The following SGCD variants were observed in gnomAD, a reference collection of about 807,000 sequenced individuals.
SGCD encodes delta-sarcoglycan.
In SGCD, 18 loss-of-function variants were observed where a neutral mutation model predicts 36.6. That is an observed-to-expected ratio of 0.49 (90% CI 0.34 to 0.73). The LOEUF (loss-of-function observed/expected upper bound fraction) is 0.73. Ranked by LOEUF, SGCD falls within the 30% of genes least tolerant of loss-of-function variation. The pLI is 0.01. For missense variants in SGCD, 387 were observed against 346.7 expected (o/e 1.12, Z -0.92); for synonymous variants, 133 against 130.6 (o/e 1.02, Z -0.12).
chr5:155,881,939 G>A (rs1051433692), intron 1 of SGCD, among the ~76,000 whole-genome samples: 1 of 152,060 alleles, frequency 6.6e-6, no homozygotes, highest in Non-Finnish European at 1.5e-5. Flanking sequence ...CACATCTTGA[G>A]GCTCCACTTA....
At chr5:156,464,408 G>A (rs1194150927) in intron 3 of SGCD, among the ~76,000 whole-genome samples, 1 of 151,868 alleles carries the variant, frequency 6.6e-6, no homozygotes, top group Non-Finnish European at 1.5e-5. Flanking sequence ...ATTTAATAGA[G>A]ACAGGGTTTC....
At chr5:155,758,580 C>T in the SGCD span, among the ~76,000 whole-genome samples, 2 of 152,220 alleles carry the variant, frequency 1.3e-5, no homozygotes, top group African/African-American at 4.8e-5. Context: ...ACATTACCAC[C>T]TGAGCTCCAG....
intron 3 of SGCD, among the ~76,000 whole-genome samples, chr5:156,229,277 C>CACATATATATATAT (rs1554085595): frequency 0.017 from 976 of 56,474 alleles, 62 homozygotes; most frequent in Non-Finnish European, 0.026. Flanking sequence ...TATATACATA[C>CACATATATATATAT]ATATATATAT....
chr5:155,788,662 T>A, the SGCD span, among the ~76,000 whole-genome samples: 15 of 152,198 alleles, frequency 9.9e-5, no homozygotes, highest in African/African-American at 3.6e-4. Context: ...AAATGTGCAA[T>A]TAAAGTATTG....
chr5:156,720,833 AGGAGAAATGACTGTGGGGGCAG>A (rs745876866), intron 7 of SGCD, among the ~76,000 whole-genome samples: 20 of 152,202 alleles, frequency 1.3e-4, no homozygotes, highest in Non-Finnish European at 2.5e-4. Flanking sequence ...GGCTTCTGTG[AGGAGAAATGACTGTGGGGGCAG>A]GGAGGAAAGC....
intron 3 of SGCD, among the ~76,000 whole-genome samples, chr5:156,255,680 T>A (rs1765696897): frequency 6.6e-6 from 1 of 152,138 alleles, no homozygotes; most frequent in Non-Finnish European, 1.5e-5. Flanking sequence ...TCCTTGAAAG[T>A]TCTATTTTTT....
intron 4 of SGCD, among the ~76,000 whole-genome samples, chr5:156,575,200 T>C (rs1759884487): frequency 3.9e-5 from 6 of 152,192 alleles, no homozygotes; most frequent in Admixed American, 3.9e-4. Context: ...TTAATCTTGG[T>C]ATCAGTCAAG....
intron 3 of SGCD, among the ~76,000 whole-genome samples, chr5:156,239,685 A>G (rs1264971473): frequency 6.6e-6 from 1 of 152,190 alleles, no homozygotes; most frequent in African/African-American, 2.4e-5. Flanking sequence ...TGCTACATAG[A>G]GCTACTGAGT....
the SGCD span, among the ~76,000 whole-genome samples, chr5:155,861,404 T>A: frequency 1.3e-5 from 2 of 152,258 alleles, no homozygotes; most frequent in East Asian, 3.9e-4. Flanking sequence ...TCTTGTGGCA[T>A]AGAAGTTGCC....
At chr5:155,833,920 C>G in the SGCD span, among the ~76,000 whole-genome samples, 1 of 152,186 alleles carries the variant, frequency 6.6e-6, no homozygotes, top group Admixed American at 6.5e-5. Flanking sequence ...AGTGAAAGGC[C>G]TAGATAACTT....
chr5:156,376,848 T>C (rs1283506250), intron 3 of SGCD, among the ~76,000 whole-genome samples: 1 of 152,096 alleles, frequency 6.6e-6, no homozygotes, highest in African/African-American at 2.4e-5. Flanking sequence ...ACAAATAGAA[T>C]TTTTAAAAGA....
rs1023110474 is a variant in SGCD, at chr5:156,746,095, G to A, written c.576-11486G>A. Among the ~76,000 whole-genome samples the A allele has an allele frequency of 4.0e-5, 6 of 151,528 alleles. No homozygotes were observed. In the East Asian group the frequency reaches 9.7e-4, roughly 25 times the overall value. ...AATTTACATGCAGACATATCAGAAT[G>A]ACACTATAGACCATCAGAGATAAAA... On this transcript the variant is annotated intron_variant, in intron 7 of 8. Transcript: ENST00000337851.
chr5:156,071,433 G>A (rs1417628206), intron 1 of SGCD, among the ~76,000 whole-genome samples: 2 of 152,274 alleles, frequency 1.3e-5, no homozygotes, highest in African/African-American at 4.8e-5. Flanking sequence ...CCATGTAGTT[G>A]AGCGGTTTTG....
chr5:156,607,835 A>T (rs916138720), intron 6 of SGCD, among the ~76,000 whole-genome samples: 2 of 152,030 alleles, frequency 1.3e-5, no homozygotes, highest in African/African-American at 4.8e-5. Context: ...ATTTGTGTAG[A>T]GGTGTTTATA....
At chr5:156,698,541 G>T (rs920734816) in intron 7 of SGCD, among the ~76,000 whole-genome samples, 1 of 152,160 alleles carries the variant, frequency 6.6e-6, no homozygotes, top group Non-Finnish European at 1.5e-5. Flanking sequence ...TCCCTTCCAC[G>T]GGTATTCTGA....
At chr5:156,564,001 G>A (rs189031087) in intron 4 of SGCD, among the ~76,000 whole-genome samples, 1 of 152,366 alleles carries the variant, frequency 6.6e-6, no homozygotes, top group East Asian at 1.9e-4. Context: ...AAAGGATGAA[G>A]CAGTGATGCT....
intron 3 of SGCD, among the ~76,000 whole-genome samples, chr5:156,417,922 A>C (rs931063660): frequency 6.6e-6 from 1 of 152,174 alleles, no homozygotes; most frequent in East Asian, 1.9e-4. Context: ...TAAGCATCAG[A>C]AATGTTTCTA....
Position 155,888,826 on chromosome 5 carries a change from T to C in SGCD, c.-282+18402T>C, listed in dbSNP as rs540455801. On this transcript the variant is annotated intron_variant, in intron 1 of 9. Coordinates refer to the SGCD transcript ENST00000517913. ...TCCCGAATTTCTTCAGCGTAAAATATTTTGTAGCAACAGTTTCTGAACTCA... is the reference window on the plus strand; with the variant it reads ...TCCCGAATTTCTTCAGCGTAAAATACTTTGTAGCAACAGTTTCTGAACTCA... Among the ~76,000 whole-genome samples, 3 of 152,292 alleles carry C rather than the reference T, an allele frequency of 2.0e-5. No individual in the cohort carries two copies. In the East Asian group the frequency reaches 5.8e-4, roughly 29 times the overall value.
At chr5:156,234,791 A>G (rs1421237230) in intron 3 of SGCD, among the ~76,000 whole-genome samples, 2 of 152,214 alleles carry the variant, frequency 1.3e-5, no homozygotes, top group Non-Finnish European at 2.9e-5. Context: ...GGAAGCCATA[A>G]TACTACTGCA....
Sources: allele counts gnomAD v4.1 joint callset (sites outside exome capture counted in the v4.1 genomes callset), GRCh38; gene constraint gnomAD v4.1.1; transcripts MANE v1.5; gene names NCBI Gene and HGNC (gene_info 2026-07-23, HGNC 2026-07-21).